Variants in HDAC1 observed in about 807,000 individuals in gnomAD.
HDAC1 encodes the protein protein deacetylase HDAC1.
A neutral mutation model predicts 65.5 loss-of-function variants in HDAC1; 18 were observed. That is an observed-to-expected ratio of 0.27 (90% CI 0.19 to 0.41). The LOEUF is 0.41. Among genes scored for constraint, HDAC1 ranks in the 10% least tolerant of loss-of-function variants. HDAC1 has a pLI of 1.00. For missense variants in HDAC1, 373 were observed against 625.2 expected, an observed-to-expected ratio of 0.60 and a Z score of 4.30; for synonymous variants, 211 against 227.9, an observed-to-expected ratio of 0.93 and a Z score of 0.67.
At chr1:32,294,818 CTT>C (rs76948947) in intron 1 of HDAC1, among the ~76,000 whole-genome samples, 15 of 139,070 alleles carry the variant, frequency 1.1e-4, no homozygotes, top group Admixed American at 1.4e-4. Flanking sequence ...CCGGCCCCAA[CTT>C]TTTTTTTTTT....
intron 3 of HDAC1, among the ~76,000 whole-genome samples, chr1:32,322,940 G>C (rs536222061): frequency 3.9e-5 from 6 of 152,288 alleles, no homozygotes; most frequent in African/African-American, 1.2e-4. Flanking sequence ...GTTGTTGTGA[G>C]GATCAAATGA....
chr1:32,332,573 G>A lies in HDAC1; in HGVS notation c.1373-128G>A, dbSNP rs915143255. 37 of 722,784 alleles carry A rather than the reference G, an allele frequency of 5.1e-5. 1 individual carries two copies. The highest frequency in any genetic ancestry group is 7.4e-4 in the Middle Eastern group (2 of 2,688). The allele number at this position is 722,784 out of a possible 1,614,324, so 44.8% of individuals were successfully genotyped here. A position where few individuals can be genotyped will look rare whatever the true frequency, so the allele number is the denominator to read the frequency against. Reference sequence around the variant, plus strand: ...CAACAGGGCTCACTGGGAGGACCAGGGATGGGCTTTTCTCTCTTTATGTCC... The same window carrying A: ...CAACAGGGCTCACTGGGAGGACCAGAGATGGGCTTTTCTCTCTTTATGTCC... On this transcript the variant is annotated intron_variant, in intron 12 of 13. Transcript: ENST00000373548.
intron 1 of HDAC1, among the ~76,000 whole-genome samples, chr1:32,294,293 C>T (rs978942668): frequency 2.0e-5 from 3 of 151,612 alleles, no homozygotes; most frequent in Non-Finnish European, 2.9e-5. Context: ...GGATTACAGG[C>T]GTGCGCCACC....
At chr1:32,297,178 G>C (rs1028692362) in intron 1 of HDAC1, among the ~76,000 whole-genome samples, 4 of 152,150 alleles carry the variant, frequency 2.6e-5, no homozygotes, top group Admixed American at 6.6e-5. Context: ...TGGAACCTGT[G>C]ATTTTTGTAG....
At chr1:32,322,020 C>T (rs955814359) in intron 3 of HDAC1, among the ~76,000 whole-genome samples, 2 of 152,306 alleles carry the variant, frequency 1.3e-5, no homozygotes, top group Admixed American at 1.3e-4. Flanking sequence ...TCTTGGCACC[C>T]TCCAAGTTTA....
intron 3 of HDAC1, 32 bp downstream of exon 3, chr1:32,316,814 G>A (rs751602920): frequency 1.5e-6 from 2 of 1,335,216 alleles, no homozygotes; most frequent in Non-Finnish European, 2.2e-6. Context: ...ACACTCTGAA[G>A]CCGCCAGTTG....
rs548721607 is a variant in HDAC1 at position 32,329,751 on chromosome 1, C to G, written c.729+591C>G. ...AATGAGAGACAAACTACTGCCTGGG[C>G]TGGCAGGAGGGTAGCCAGGGATGAT... is the stretch of plus-strand genomic sequence containing the variant. On this transcript the variant is annotated intron_variant, in intron 7 of 13. Coordinates refer to ENST00000373548, the MANE Select transcript of HDAC1 (RefSeq NM_004964.3). The surrounding 1 kb of genome is among the most constrained non-coding windows in gnomAD (Gnocchi z 4.1). 6.4e-6 allele frequency: 1 copy of G among 155,534 alleles called. No homozygotes were observed. The highest frequency in any genetic ancestry group is 1.9e-4 in the East Asian group (1 of 5,260). The allele number at this position is 155,534 out of a possible 1,614,324, so 9.6% of individuals were successfully genotyped here.
In HDAC1 at chr1:32,330,529, C is replaced by A; in HGVS notation, c.730-49C>A. The A allele has an allele frequency of 1.5e-6, 2 of 1,326,468 alleles. No homozygotes were observed. The highest frequency in any genetic ancestry group is 2.2e-6 in the Non-Finnish European group (2 of 918,406). The allele number at this position is 1,326,468 out of a possible 1,614,324, so 82.2% of individuals were successfully genotyped here. A position where few individuals can be genotyped will look rare whatever the true frequency, so the allele number is the denominator to read the frequency against. On this transcript the variant is annotated intron_variant, in intron 7 of 13. Coordinates refer to ENST00000373548, the MANE Select transcript of HDAC1 (RefSeq NM_004964.3). The surrounding 1 kb of genome is among the most constrained non-coding windows in gnomAD (Gnocchi z 4.2). The stretch of plus-strand genomic sequence containing the variant: ...TGCACCCAGCCTTTCCACTCCAAAC[C>A]TCGTATTGCTTTCTTGAGGTTGGTG...
Position 32,316,712 on chromosome 1 carries a change from T to C in HDAC1, c.210T>C (p.Asp70=). Residue 70 remains aspartate (D), a synonymous_variant, in exon 3 of 14, where the codon GAT becomes GAC. Coordinates refer to ENST00000373548, the MANE Select transcript of HDAC1 (RefSeq NM_004964.3). ...NAEEMTKYHS[D]DYIKFLRSIR... is the part of the protein sequence containing the mutation. ...AGGAGATGACCAAGTACCACAGCGA[T>C]GACTACATTAAATTCTTGCGCTCCA... 2 of 1,614,134 alleles carry C rather than the reference T, an allele frequency of 1.2e-6. No individual in the cohort carries two copies. Among genetic ancestry groups the C allele is most frequent in the Non-Finnish European group, 1.7e-6 (2 of 1,180,004 alleles).
At chr1:32,320,944 T>C (rs1371350829) in intron 3 of HDAC1, among the ~76,000 whole-genome samples, 1 of 143,770 alleles carries the variant, frequency 7.0e-6, no homozygotes, top group Admixed American at 7.0e-5. Flanking sequence ...AAAAAACATA[T>C]TTTAGACACA....
At chr1:32,332,413 C>T (rs1641305985) in intron 12 of HDAC1, among the ~76,000 whole-genome samples, 171 bp downstream of exon 12, 1 of 152,176 alleles carries the variant, frequency 6.6e-6, no homozygotes, top group African/African-American at 2.4e-5. Context: ...AAACAATGAA[C>T]CTCTACTGCC....
intron 1 of HDAC1, 103 bp downstream of exon 1, chr1:32,292,321 G>C: frequency 3.9e-6 from 6 of 1,529,820 alleles, no homozygotes; most frequent in Non-Finnish European, 4.4e-6. Context: ...AGGCTGAGGC[G>C]CTGGGGAGAG....
rs1481207249 is a variant in HDAC1, at chr1:32,330,016, G to A, written c.730-562G>A. The A allele has an allele frequency of 6.4e-6, 1 of 156,456 alleles. No homozygotes were observed. Among genetic ancestry groups the A allele is most frequent in the Non-Finnish European group, 1.4e-5 (1 of 70,570 alleles). The allele number at this position is 156,456 out of a possible 1,614,324, so 9.7% of individuals were successfully genotyped here. ...AGGGAGCCTTGAATGCCATGCCAAG[G>A]AGTTAAATCTTCACTTATAAACAGT... On this transcript the variant is annotated intron_variant, in intron 7 of 13. Transcript: ENST00000373548. The surrounding 1 kb of genome is among the most constrained non-coding windows in gnomAD (Gnocchi z 4.2).
Position 32,327,339 on chromosome 1 carries a change from A to C in HDAC1, c.495-197A>C. The C allele has an allele frequency of 1.6e-6, 1 of 624,142 alleles. No individual in the cohort carries two copies. The highest frequency in any genetic ancestry group is 1.8e-5 in the African/African-American group (1 of 54,526). The allele number at this position is 624,142 out of a possible 1,614,324, so 38.7% of individuals were successfully genotyped here. ...GAGTTGACCCTGGCTGTAGAGTAGG[A>C]AGATCGGACTTGGTCGGCTTGGTCA... On this transcript the variant is annotated intron_variant, in intron 5 of 13. Coordinates refer to ENST00000373548, the MANE Select transcript of HDAC1 (RefSeq NM_004964.3). This position sits in a 1 kb window ranked among gnomAD's most constrained non-coding sequence, Gnocchi z 6.0.
In HDAC1 at chr1:32,297,391, A is replaced by G. The variant is rs80029764; in HGVS notation, c.49+5173A>G. 3.9e-4 allele frequency among the ~76,000 whole-genome samples: 60 copies of G among 152,210 alleles called. 2 individuals carry two copies. In the East Asian group the frequency reaches 0.012, roughly 29 times the overall value. The stretch of plus-strand genomic sequence containing the variant: ...ACCTCCCCCAGCTCTACAAAACAAC[A>G]CAAAAAAATAAGCTGGGTGTGGTGG... On this transcript the variant is annotated intron_variant, in intron 1 of 13. Transcript: ENST00000373548.
chr1:32,326,424 C>G (rs912347051), intron 4 of HDAC1, among the ~76,000 whole-genome samples: 4 of 152,100 alleles, frequency 2.6e-5, no homozygotes, highest in Non-Finnish European at 4.4e-5. Flanking sequence ...CTTGGCCTCC[C>G]AAACTTCTGG....
At chr1:32,316,492 T>G (rs1013328870) in intron 2 of HDAC1, among the ~76,000 whole-genome samples, 173 bp from the exon 3 acceptor site, 15 of 152,220 alleles carry the variant, frequency 9.9e-5, no homozygotes, top group East Asian at 7.7e-4. Flanking sequence ...TTGATAATCT[T>G]GTTTGCCTAG....
chr1:32,306,665 G>C (rs977087712), intron 2 of HDAC1, among the ~76,000 whole-genome samples: 2 of 151,814 alleles, frequency 1.3e-5, no homozygotes, highest in Non-Finnish European at 2.9e-5. Flanking sequence ...TGATTCTGTT[G>C]TTTGTTGTTG....
In HDAC1 at chr1:32,333,148, A is replaced by C. The variant is rs1198229177; in HGVS notation, c.*104A>C. On this transcript the variant is annotated 3_prime_UTR_variant, in exon 14 of 14. Coordinates refer to ENST00000373548, the MANE Select transcript of HDAC1 (RefSeq NM_004964.3). ...TCTCTGTGTATTTATATAAAAATTT[A>C]TTAAATATAAATATCCCCAGGGACA... is the stretch of plus-strand genomic sequence containing the variant. 2.1e-5 allele frequency: 20 copies of C among 968,980 alleles called. No individual in the cohort carries two copies. Among genetic ancestry groups the C allele is most frequent in the Non-Finnish European group, 2.7e-5 (18 of 657,406 alleles). 60.0% of individuals were successfully genotyped at this position (968,980 alleles called of 1,614,324 possible).
Sources: allele counts gnomAD v4.1 joint callset (sites outside exome capture counted in the v4.1 genomes callset), GRCh38; gene constraint gnomAD v4.1.1; non-coding constraint Gnocchi (gnomAD v3.1); transcripts MANE v1.5; gene names NCBI Gene and HGNC (gene_info 2026-07-23, HGNC 2026-07-21).